Variants in LINGO2 observed in about 807,000 individuals in gnomAD.
LINGO2 encodes the protein leucine-rich repeat and immunoglobulin-like domain-containing nogo receptor-interacting protein 2.
Under a neutral mutation model 30.6 loss-of-function variants are expected in LINGO2, and 14 were observed. The observed-to-expected ratio is 0.46, with a 90% CI of 0.30 to 0.72. The LOEUF (loss-of-function observed/expected upper bound fraction) is 0.72. LINGO2 is among the 30% of genes least tolerant of loss of function. LINGO2 has a pLI of 0.07. For synonymous variants in LINGO2, 317 were observed against 288.5 expected (o/e 1.10, Z -1.00); for missense variants, 729 against 751.7 (o/e 0.97, Z 0.35).
intron 4 of LINGO2, among the ~76,000 whole-genome samples, chr9:28,143,590 C>A (rs1827733137): frequency 6.6e-6 from 1 of 152,018 alleles, no homozygotes; most frequent in Non-Finnish European, 1.5e-5. Context: ...AATTGCTCAA[C>A]CTTTTTAATA....
rs534499407 is a variant in LINGO2 at position 28,600,950 on chromosome 9, G to C, written c.-365+69250C>G. On this transcript the variant is annotated intron_variant, in intron 1 of 5. Coordinates refer to ENST00000379992, the Ensembl canonical transcript of LINGO2. ...ATAGATTAACAAAATGGAAATAAGA[G>C]AAAAAAATTGAGAACAAAAATAAAA... 3.3e-5 allele frequency among the ~76,000 whole-genome samples: 5 copies of C among 152,106 alleles called. No individual in the cohort carries two copies. The East Asian group carries it at 9.7e-4, about 29-fold the overall frequency.
chr9:28,707,693 G>A, the LINGO2 span, among the ~76,000 whole-genome samples: 1 of 152,024 alleles, frequency 6.6e-6, no homozygotes, highest in African/African-American at 2.4e-5. Flanking sequence ...ATGAGATGCT[G>A]TCTGGTCTGT....
chr9:28,310,593 T>G (rs1824574719), intron 3 of LINGO2, among the ~76,000 whole-genome samples: 1 of 152,140 alleles, frequency 6.6e-6, no homozygotes, highest in Admixed American at 6.5e-5. Context: ...AAGGAAAAAC[T>G]TAAAAGACAC....
At chr9:28,107,011 C>A (rs573892306) in intron 4 of LINGO2, among the ~76,000 whole-genome samples, 2 of 152,264 alleles carry the variant, frequency 1.3e-5, no homozygotes, top group African/African-American at 4.8e-5. Context: ...ATGCTCCATG[C>A]ACCTCTCCCC....
chr9:27,958,188 G>T (rs992312969), intron 5 of LINGO2, among the ~76,000 whole-genome samples: 3 of 152,064 alleles, frequency 2.0e-5, no homozygotes, highest in Non-Finnish European at 4.4e-5. Flanking sequence ...ATGCTTTTCT[G>T]TATCTATGGA....
chr9:28,713,309 G>A, the LINGO2 span, among the ~76,000 whole-genome samples: 2 of 152,064 alleles, frequency 1.3e-5, no homozygotes, highest in Non-Finnish European at 2.9e-5. Context: ...TGATAAATAT[G>A]AATTTGCCAC....
At chr9:27,939,480 G>A in the LINGO2 span, 3 of 152,184 alleles carry the variant, frequency 2.0e-5, no homozygotes, top group Admixed American at 1.3e-4. Flanking sequence ...TAAAACAGAA[G>A]AGCTTATATA....
At chr9:28,454,983 A>T (rs1456153707) in intron 2 of LINGO2, among the ~76,000 whole-genome samples, 2 of 152,104 alleles carry the variant, frequency 1.3e-5, no homozygotes, top group African/African-American at 4.8e-5. Flanking sequence ...AACCATTAGT[A>T]TTAAGAGCAG....
At chr9:28,935,617 C>T in the LINGO2 span, among the ~76,000 whole-genome samples, 6 of 151,698 alleles carry the variant, frequency 4.0e-5, no homozygotes, top group Non-Finnish European at 5.9e-5. Flanking sequence ...ATTCATATTG[C>T]TTTAGAAAGA....
At chr9:28,073,987 C>A (rs1209643384) in intron 4 of LINGO2, among the ~76,000 whole-genome samples, 1 of 152,146 alleles carries the variant, frequency 6.6e-6, no homozygotes, top group African/African-American at 2.4e-5. Flanking sequence ...GCTGGGTTGT[C>A]TTGAGCATAT....
At chr9:28,051,129 TC>T (rs1824652089) in intron 4 of LINGO2, among the ~76,000 whole-genome samples, 1 of 150,872 alleles carries the variant, frequency 6.6e-6, no homozygotes, top group Non-Finnish European at 1.5e-5. Flanking sequence ...GAAAACCATT[TC>T]AGAAGAGTTC....
intron 3 of LINGO2, among the ~76,000 whole-genome samples, chr9:28,313,514 C>G (rs1222892363): frequency 6.6e-6 from 1 of 152,118 alleles, no homozygotes; most frequent in Non-Finnish European, 1.5e-5. Context: ...TAGAGCAATT[C>G]AAATTCTTGA....
chr9:28,151,352 T>TC (rs1827995273), intron 4 of LINGO2, among the ~76,000 whole-genome samples: 1 of 152,000 alleles, frequency 6.6e-6, no homozygotes, highest in Non-Finnish European at 1.5e-5. Context: ...AAATCTTGAA[T>TC]AAGTATGGAT....
At chr9:28,748,873 A>G in the LINGO2 span, among the ~76,000 whole-genome samples, 1 of 152,036 alleles carries the variant, frequency 6.6e-6, no homozygotes, top group Non-Finnish European at 1.5e-5. Flanking sequence ...AAATTGATAA[A>G]GAATTATATG....
chr9:29,040,879 T>G, the LINGO2 span, among the ~76,000 whole-genome samples: 1 of 152,150 alleles, frequency 6.6e-6, no homozygotes, highest in East Asian at 1.9e-4. Flanking sequence ...GTAATTCAAA[T>G]TATACAAAAT....
intron 4 of LINGO2, among the ~76,000 whole-genome samples, chr9:28,068,151 A>G (rs1025875967): frequency 6.6e-6 from 1 of 152,148 alleles, no homozygotes; most frequent in Non-Finnish European, 1.5e-5. Context: ...CTTTTCATGT[A>G]GTGTATGCAT....
In LINGO2 at chr9:28,335,130, C is replaced by G. The variant is rs555909373; in HGVS notation, c.-246+37706G>C. Among the ~76,000 whole-genome samples the G allele has an allele frequency of 1.8e-4, 28 of 152,272 alleles. 2 individuals are homozygous for G. The South Asian group carries it at 5.8e-3, about 32-fold the overall frequency. The stretch of plus-strand genomic sequence containing the variant: ...CTAGTTAGCTGTTAATTCTGATCTA[C>G]ACTCTCCATCTCTTCTGAGGCAGAG... On this transcript the variant is annotated intron_variant, in intron 3 of 5. Coordinates refer to ENST00000379992, the Ensembl canonical transcript of LINGO2.
intron 4 of LINGO2, among the ~76,000 whole-genome samples, chr9:28,201,956 T>A (rs1200319949): frequency 2.6e-5 from 4 of 152,146 alleles, no homozygotes; most frequent in African/African-American, 9.7e-5. Context: ...GTTAGCAAGG[T>A]TGGTTCCTTC....
the LINGO2 span, among the ~76,000 whole-genome samples, chr9:28,794,933 C>T: frequency 4.6e-5 from 7 of 151,770 alleles, no homozygotes; most frequent in Admixed American, 2.6e-4. Context: ...CAGGTTCAAG[C>T]GATTCTCCTG....
Sources: allele counts gnomAD v4.1 joint callset (sites outside exome capture counted in the v4.1 genomes callset), GRCh38; gene constraint gnomAD v4.1.1; transcripts MANE v1.5; gene names NCBI Gene and HGNC (gene_info 2026-07-23, HGNC 2026-07-21).